TTC23: variants seen among roughly 807,000 people sequenced by gnomAD.
The protein encoded by TTC23 is tetratricopeptide repeat domain 23.
In TTC23, 58 loss-of-function variants were observed where a neutral mutation model predicts 55.1. That is an observed-to-expected ratio of 1.05 (90% CI 0.85 to 1.31). The LOEUF (loss-of-function observed/expected upper bound fraction) is 1.31. Among genes scored for constraint, TTC23 ranks in the 50% most tolerant of loss-of-function variants. The pLI is 0.00. For synonymous variants in TTC23, 203 were observed against 199.9 expected (o/e 1.02, Z -0.13); for missense variants, 516 against 534.4 (o/e 0.97, Z 0.34).
At chr15:99,239,503 T>A (rs2079593327) in intron 3 of TTC23, among the ~76,000 whole-genome samples, 1 of 151,422 alleles carries the variant, frequency 6.6e-6, no homozygotes, top group South Asian at 2.1e-4. Context: ...TAAAAATAAA[T>A]AAAAAATAAA....
At chr15:99,196,545 C>T (rs553263876) in intron 9 of TTC23, among the ~76,000 whole-genome samples, 20 of 152,192 alleles carry the variant, frequency 1.3e-4, no homozygotes, top group Non-Finnish European at 2.2e-4. Flanking sequence ...AGGCCAGAAA[C>T]CTGGGGTAAA....
chr15:99,220,914 T>G (rs2077868813), intron 6 of TTC23, among the ~76,000 whole-genome samples: 1 of 152,266 alleles, frequency 6.6e-6, no homozygotes, highest in East Asian at 1.9e-4. Context: ...TGTTTCCCTT[T>G]TGGGATGCCT....
intron 9 of TTC23, among the ~76,000 whole-genome samples, chr15:99,195,379 C>T (rs1206287678): frequency 1.3e-5 from 2 of 152,138 alleles, no homozygotes; most frequent in Non-Finnish European, 2.9e-5. Flanking sequence ...CATGAGATAC[C>T]ACTACACACC....
At chr15:99,142,610 T>C (rs1316547300) in intron 12 of TTC23, among the ~76,000 whole-genome samples, 1 of 152,194 alleles carries the variant, frequency 6.6e-6, no homozygotes, top group African/African-American at 2.4e-5. Flanking sequence ...AATCTAATAC[T>C]CAGAGGAATT....
chr15:99,156,107 G>A, intron 12 of TTC23, 41 bp downstream of exon 12: 4 of 1,611,942 alleles, frequency 2.5e-6, no homozygotes, highest in East Asian at 2.2e-5. Flanking sequence ...GGAGAGGGGA[G>A]GGAGAGCCTA....
At chr15:99,250,657 C>T (rs928923372), upstream of TTC23, among the ~76,000 whole-genome samples, 1 of 152,184 alleles carries the variant, frequency 6.6e-6, no homozygotes, top group African/African-American at 2.4e-5. Context: ...TGCTATTTCG[C>T]TGACATAATA....
chr15:99,201,927 T>C lies in TTC23; in HGVS notation c.582-1831A>G, dbSNP rs115762078. ...GGTAAGAAATCATTTAGCCAAAGAC[T>C]TAGATTCCGTGGTAGACAAAGCTTA... On this transcript the variant is annotated intron_variant, in intron 8 of 13. Coordinates refer to ENST00000394132, the MANE Select transcript of TTC23 (RefSeq NM_001288615.3). Among the ~76,000 whole-genome samples, 504 of 152,304 alleles carry C rather than the reference T, an allele frequency of 3.3e-3. 6 individuals are homozygous for C. Among genetic ancestry groups the C allele is most frequent in the African/African-American group, 0.011 (477 of 41,572 alleles).
Position 99,212,286 on chromosome 15 carries a change from GTGTGT to G in TTC23, c.581+6297_581+6301del, listed in dbSNP as rs1290855352. Among the ~76,000 whole-genome samples the G allele has an allele frequency of 4.1e-4, 62 of 152,168 alleles. 3 individuals carry two copies. Among genetic ancestry groups the G allele is most frequent in the Admixed American group, 2.0e-3 (30 of 15,276 alleles). ...TGTGTGTGTGTGTGTGTGTGTGTGTGTGTGTGCATGCATGTGCAATGGCATATGCC... is the reference window on the plus strand; with the variant it reads ...TGTGTGTGTGTGTGTGTGTGTGTGTGGCATGCATGTGCAATGGCATATGCC... On this transcript the variant is annotated intron_variant, in intron 8 of 13. Transcript: ENST00000394132.
chr15:99,212,259 G>GGT (rs2077094385), intron 8 of TTC23, among the ~76,000 whole-genome samples: 1 of 122,058 alleles, frequency 8.2e-6, no homozygotes, highest in Non-Finnish European at 1.8e-5. Context: ...TTTAAAGAGG[G>GGT]ATGTGTGTGT....
chr15:99,182,242 TCTCTCTCACACACACA>T (rs2074204072), intron 9 of TTC23, among the ~76,000 whole-genome samples: 1 of 104,416 alleles, frequency 9.6e-6, no homozygotes. Flanking sequence ...TCTCTCTCTC[TCTCTCTCACACACACA>T]CACACACACA....
chr15:99,215,653 A>G (rs557587949), intron 8 of TTC23, among the ~76,000 whole-genome samples: 1 of 152,126 alleles, frequency 6.6e-6, no homozygotes, highest in Admixed American at 6.6e-5. Flanking sequence ...GGCTGAGATG[A>G]GAGGATTGCT....
chr15:99,137,979 G>C lies in TTC23; in HGVS notation c.*31C>G, dbSNP rs2067721601. 6.2e-7 allele frequency: 1 copy of C among 1,613,756 alleles called. No homozygotes were observed. Among genetic ancestry groups the C allele is most frequent in the African/African-American group, 1.3e-5 (1 of 75,050 alleles). ...CAGCACCCTAAATGACAGTGCCCAG[G>C]AATGTCCTAGGCTTTTTCAGGGTGG... On this transcript the variant is annotated 3_prime_UTR_variant, in exon 14 of 14. Coordinates refer to ENST00000394132, the MANE Select transcript of TTC23 (RefSeq NM_001288615.3).
chr15:99,228,235 G>C lies in TTC23; in HGVS notation c.180+298C>G, dbSNP rs180990521. 4.5e-3 allele frequency among the ~76,000 whole-genome samples: 685 copies of C among 152,308 alleles called. 14 individuals carry two copies. The highest frequency in any genetic ancestry group is 2.4e-3 in the Non-Finnish European group (160 of 68,022). Reference sequence around the variant, plus strand: ...CAGAGAACAAGATTTGAGATTATAAGGAATTACAAGCTCTATGAGAGCAGA... The same window carrying C: ...CAGAGAACAAGATTTGAGATTATAACGAATTACAAGCTCTATGAGAGCAGA... On this transcript the variant is annotated intron_variant, in intron 5 of 13. Transcript: ENST00000394132.
chr15:99,190,606 A>G (rs912728313), intron 9 of TTC23, among the ~76,000 whole-genome samples: 10 of 152,264 alleles, frequency 6.6e-5, no homozygotes, highest in African/African-American at 2.4e-4. Context: ...GATAGAGAAA[A>G]CCAATGTGGC....
At position 99,156,279 on chromosome 15, in the gene TTC23, T is replaced by C. The variant is rs1292486580; in HGVS notation, c.1012A>G (p.Arg338Gly). The part of the protein sequence containing the change: ...GQKERATSIL[R>G]ESLEAKVEAF... Reference sequence around the variant, plus strand: ...TCCACTTTGGCTTCCAGGGACTCTCTCAGGATCGAGGTTGCTCTCTGTGAA... The same window carrying C: ...TCCACTTTGGCTTCCAGGGACTCTCCCAGGATCGAGGTTGCTCTCTGTGAA... The change falls in exon 12 of 14, where the codon AGA becomes GGA. Residue 338 changes from arginine (R) to glycine (G), a missense_variant. Coordinates refer to ENST00000394132, the MANE Select transcript of TTC23 (RefSeq NM_001288615.3). 6.2e-7 allele frequency: 1 copy of C among 1,614,078 alleles called. No homozygotes were observed. Among genetic ancestry groups the C allele is most frequent in the East Asian group, 2.2e-5 (1 of 44,882 alleles).
intron 9 of TTC23, among the ~76,000 whole-genome samples, chr15:99,193,331 C>G (rs981140741): frequency 6.6e-6 from 1 of 152,138 alleles, no homozygotes; most frequent in African/African-American, 2.4e-5. Context: ...TCTTGTAGTT[C>G]CCATAATTCC....
At chr15:99,178,126 G>C (rs2073777500) in intron 9 of TTC23, among the ~76,000 whole-genome samples, 1 of 152,160 alleles carries the variant, frequency 6.6e-6, no homozygotes, top group African/African-American at 2.4e-5. Context: ...AGACTGCAGT[G>C]AGCCGTGATC....
chr15:99,169,593 T>G, intron 10 of TTC23, among the ~76,000 whole-genome samples: 1 of 151,360 alleles, frequency 6.6e-6, no homozygotes, highest in South Asian at 2.1e-4. Context: ...GAGCAGGGAG[T>G]GGGGAGGGCC....
At chr15:99,211,470 C>T (rs1482439830) in intron 8 of TTC23, among the ~76,000 whole-genome samples, 1 of 152,008 alleles carries the variant, frequency 6.6e-6, no homozygotes, top group Non-Finnish European at 1.5e-5. Context: ...AAAATGTAGC[C>T]TTCCCAAGGC....
Sources: gnomAD v4.1 joint callset for allele counts (sites outside exome capture counted in the v4.1 genomes callset) on GRCh38, gnomAD v4.1.1 for gene constraint, MANE v1.5 for transcripts, NCBI Gene and HGNC (gene_info 2026-07-23, HGNC 2026-07-21) for gene names.